The following CUL5 variants were observed in gnomAD, a reference collection of about 807,000 sequenced individuals.
CUL5 encodes cullin 5, also known as cullin-5.
A neutral mutation model predicts 108.8 loss-of-function variants in CUL5; 26 were observed. That is an observed-to-expected ratio of 0.24 (90% confidence interval 0.18 to 0.33). The LOEUF (loss-of-function observed/expected upper bound fraction) is 0.33, where lower values mean the gene tolerates loss of function less well. Ranked by LOEUF, CUL5 falls within the 10% of genes least tolerant of loss-of-function variation. The pLI is 1.00. For missense variants in CUL5, 524 were observed against 909.2 expected (o/e 0.58, Z 5.45); for synonymous variants, 334 against 298.0 (o/e 1.12, Z -1.25).
chr11:108,094,658 G>A, intron 14 of CUL5, 144 bp downstream of exon 14: 2 of 783,508 alleles, frequency 2.6e-6, no homozygotes, highest in Non-Finnish European at 3.9e-6. Flanking sequence ...TCAAAGCAGT[G>A]TGTTAGATTT....
chr11:108,060,507 G>A (rs894144647), intron 7 of CUL5, among the ~76,000 whole-genome samples: 4 of 151,832 alleles, frequency 2.6e-5, no homozygotes, highest in Non-Finnish European at 2.9e-5. Context: ...AAATTTGAGC[G>A]AGGTAGAAAT....
At chr11:108,090,747 A>G (rs1049656110) in intron 13 of CUL5, among the ~76,000 whole-genome samples, 1 of 152,090 alleles carries the variant, frequency 6.6e-6, no homozygotes, top group Non-Finnish European at 1.5e-5. Context: ...GTGTATGTAT[A>G]TAACTCTCTC....
chr11:108,100,116 GAATA>G (rs1422084759), intron 18 of CUL5, among the ~76,000 whole-genome samples: 2 of 150,714 alleles, frequency 1.3e-5, no homozygotes, highest in Non-Finnish European at 3.0e-5. Context: ...TTTTTTATCA[GAATA>G]AATAAGAATG....
chr11:108,047,030 G>T (rs146320847), intron 3 of CUL5, among the ~76,000 whole-genome samples: 2 of 152,216 alleles, frequency 1.3e-5, no homozygotes, highest in East Asian at 3.9e-4. Flanking sequence ...ATAACATGAG[G>T]TCTGGGACAG....
chr11:108,103,927 G>A lies in CUL5; in HGVS notation c.2149-263G>A, dbSNP rs965138903. ...GCACCCATCAACCCGTCATCTACAT[G>A]AGGTGTTTCTCCTAATGCTTATCCC... On this transcript the variant is annotated intron_variant, in intron 18 of 18. Transcript: ENST00000393094. Among the ~76,000 whole-genome samples the A allele has an allele frequency of 5.3e-5, 8 of 152,190 alleles. No homozygotes were observed. In the East Asian group the frequency reaches 9.7e-4, roughly 18 times the overall value.
chr11:108,103,025 G>T (rs879260926), intron 18 of CUL5, among the ~76,000 whole-genome samples: 1 of 151,988 alleles, frequency 6.6e-6, no homozygotes, highest in Non-Finnish European at 1.5e-5. Flanking sequence ...CAAACTCCTG[G>T]ACTCAAGCAA....
At position 108,105,448 on chromosome 11, in the gene CUL5, C is replaced by T. The variant is rs1864772091; in HGVS notation, c.*1064C>T. The T allele has an allele frequency of 6.6e-6, 1 of 152,450 alleles. No individual in the cohort carries two copies. Among genetic ancestry groups the T allele is most frequent in the Non-Finnish European group, 1.5e-5 (1 of 67,986 alleles). 9.4% of individuals were successfully genotyped at this position (152,450 alleles called of 1,614,324 possible). ...TCACCTAGGGGTAAGAGAAAAACCA[C>T]AACATAAGACCTGAAAAACAGAAGC... On this transcript the variant is annotated 3_prime_UTR_variant, in exon 19 of 19. Transcript: ENST00000393094.
rs574559918 is a variant in CUL5 at position 108,054,299 on chromosome 11, T to G, written c.554-348T>G. 2.1e-3 allele frequency among the ~76,000 whole-genome samples: 319 copies of G among 152,364 alleles called. 2 individuals carry two copies. Among genetic ancestry groups the G allele is most frequent in the African/African-American group, 7.1e-3 (297 of 41,596 alleles). ...TTGTGCTTTTCTGCTTCTGAATATT[T>G]ACTTACCTTACTAATCTCCGTTTAT... On this transcript the variant is annotated intron_variant, in intron 5 of 18. Transcript: ENST00000393094.
chr11:108,071,573 C>T (rs867382078), intron 8 of CUL5, among the ~76,000 whole-genome samples: 1 of 151,810 alleles, frequency 6.6e-6, no homozygotes, highest in Non-Finnish European at 1.5e-5. Context: ...TTTTTGAGAC[C>T]GTCTTGCCCT....
At chr11:108,041,285 CTT>C (rs1218828144) in intron 2 of CUL5, among the ~76,000 whole-genome samples, 17 of 142,944 alleles carry the variant, frequency 1.2e-4, no homozygotes, top group Admixed American at 2.1e-4. Context: ...TCTGTTTTTT[CTT>C]TTTTTTTTTT....
intron 11 of CUL5, among the ~76,000 whole-genome samples, chr11:108,082,830 T>A (rs11605878): frequency 0.13 from 20,033 of 151,846 alleles, 1,409 homozygotes; most frequent in African/African-American, 0.18. Flanking sequence ...TCTTGCTGTG[T>A]TGCCCAGTCT....
chr11:108,077,101 T>C (rs116546658), intron 10 of CUL5, among the ~76,000 whole-genome samples: 1,668 of 152,226 alleles, frequency 0.011, 38 homozygotes, highest in African/African-American at 0.038. Context: ...AAAGTAATGA[T>C]TGGAGATAGA....
rs758260843 is a variant in CUL5 at position 108,095,521 on chromosome 11, C to T, written c.1744-9C>T. 1.3e-6 allele frequency: 2 copies of T among 1,539,488 alleles called. No individual in the cohort carries two copies. Among genetic ancestry groups the T allele is most frequent in the Non-Finnish European group, 1.8e-6 (2 of 1,123,876 alleles). ...ATTCTTTATTAAAAATCTGTTTTAT[C>T]TATTATAGATAACATTTAAGAATGA... On this transcript the variant is annotated splice_polypyrimidine_tract_variant and intron_variant, in intron 15 of 18. Coordinates refer to ENST00000393094, the MANE Select transcript of CUL5 (RefSeq NM_003478.6).
At chr11:108,028,924 C>G (rs963601041) in intron 1 of CUL5, among the ~76,000 whole-genome samples, 10 of 152,292 alleles carry the variant, frequency 6.6e-5, no homozygotes, top group Admixed American at 3.3e-4. Flanking sequence ...TTTATAATGG[C>G]CTTCAGGGTC....
chr11:108,009,499 C>T lies in CUL5; in HGVS notation c.24+127C>T, dbSNP rs1862004875. The T allele has an allele frequency of 5.0e-6, 5 of 1,000,022 alleles. No homozygotes were observed. The East Asian group carries it at 8.4e-5, about 17-fold the overall frequency. The allele number at this position is 1,000,022 out of a possible 1,614,324, so 61.9% of individuals were successfully genotyped here. On this transcript the variant is annotated intron_variant, in intron 1 of 18. Coordinates refer to ENST00000393094, the MANE Select transcript of CUL5 (RefSeq NM_003478.6). The stretch of plus-strand genomic sequence containing the variant: ...AGGGGTTGTCCACTGGCAGGGAAGC[C>T]GCGGTGGCAGCCGGCGAGTACCGGA...
chr11:108,075,193 T>A (rs1863914316), intron 10 of CUL5, among the ~76,000 whole-genome samples: 2 of 142,188 alleles, frequency 1.4e-5, no homozygotes, highest in South Asian at 4.3e-4. Flanking sequence ...AGTTCGATAA[T>A]TTTTTTTTTT....
chr11:108,088,420 C>T (rs1864273852), intron 11 of CUL5, 107 bp from the exon 12 acceptor site: 1 of 1,239,062 alleles, frequency 8.1e-7, no homozygotes, highest in African/African-American at 1.5e-5. Flanking sequence ...AACCTGATCA[C>T]TAGATTATTT....
chr11:108,025,503 T>C (rs1004861547), intron 1 of CUL5, among the ~76,000 whole-genome samples: 3 of 152,190 alleles, frequency 2.0e-5, no homozygotes, highest in Non-Finnish European at 4.4e-5. Flanking sequence ...GTGTCCAGAA[T>C]ATCACTCGGG....
intron 12 of CUL5, among the ~76,000 whole-genome samples, chr11:108,089,007 G>GTATC (rs1340799278): frequency 3.3e-5 from 5 of 152,050 alleles, no homozygotes; most frequent in Non-Finnish European, 7.4e-5. Flanking sequence ...GTCCAAGATA[G>GTATC]ATAGCAAGGG....
Sources: allele counts gnomAD v4.1 joint callset (sites outside exome capture counted in the v4.1 genomes callset), GRCh38; gene constraint gnomAD v4.1.1; transcripts MANE v1.5; gene names NCBI Gene and HGNC (gene_info 2026-07-23, HGNC 2026-07-21).